Variants in GNPTAB observed in about 807,000 individuals in gnomAD.
The protein encoded by GNPTAB is N-acetylglucosamine-1-phosphate transferase subunits alpha and beta.
In GNPTAB, 92 loss-of-function variants were observed where a neutral mutation model predicts 136.6. That is an observed-to-expected ratio of 0.67 (90% CI 0.57 to 0.80). The LOEUF is 0.80. Ranked by LOEUF, GNPTAB falls within the 30% of genes least tolerant of loss-of-function variation. The pLI, the probability that GNPTAB is intolerant of heterozygous loss-of-function variation, is 0.00. For missense variants in GNPTAB, 1,343 were observed against 1,501.8 expected, an observed-to-expected ratio of 0.89 and a Z score of 1.75; for synonymous variants, 512 against 535.1, an observed-to-expected ratio of 0.96 and a Z score of 0.60.
At position 101,785,996 on chromosome 12, in the gene GNPTAB, C is replaced by T; in HGVS notation, c.571+16G>A. 1 of 1,542,038 alleles carries T rather than the reference C, an allele frequency of 6.5e-7. No individual in the cohort carries two copies. The highest frequency in any genetic ancestry group is 9.0e-7 in the Non-Finnish European group (1 of 1,115,076). Reference sequence around the variant, plus strand: ...AATGATAACATGATTTTAAAATATCCATAAAAAGATCTTACCATCCTTAGT... The same window carrying T: ...AATGATAACATGATTTTAAAATATCTATAAAAAGATCTTACCATCCTTAGT... On this transcript the variant is annotated intron_variant, in intron 5 of 20. Coordinates refer to ENST00000299314, the MANE Select transcript of GNPTAB (RefSeq NM_024312.5).
chr12:101,786,659 C>T (rs930780336), intron 4 of GNPTAB, among the ~76,000 whole-genome samples: 48 of 152,174 alleles, frequency 3.2e-4, no homozygotes, highest in African/African-American at 1.1e-3. Flanking sequence ...TGACACTACA[C>T]TGATGTAAAC....
At chr12:101,818,419 C>T (rs540304213) in intron 1 of GNPTAB, among the ~76,000 whole-genome samples, 1 of 150,944 alleles carries the variant, frequency 6.6e-6, no homozygotes, top group Non-Finnish European at 1.5e-5. Context: ...ACTCTGTTGC[C>T]CAGGCTGGAG....
At position 101,749,171 on chromosome 12, in the gene GNPTAB, AATTTGT is replaced by A. The variant is rs2137097807; in HGVS notation, c.3617_3622del (p.Asp1206_Leu1208delinsVal). 6.2e-7 allele frequency: 1 copy of A among 1,610,930 alleles called. No homozygotes were observed. Among genetic ancestry groups the A allele is most frequent in the Non-Finnish European group, 8.5e-7 (1 of 1,177,176 alleles). On this transcript the variant is annotated inframe_deletion, in exon 20 of 21. Coordinates refer to ENST00000299314, the MANE Select transcript of GNPTAB (RefSeq NM_024312.5). ...TAGTACACAATGGGTCCAAAACTTC[AATTTGT>A]CTCGATAAGCCCTCCTGTGCAGAGA...
chr12:101,780,553 A>G lies in GNPTAB; in HGVS notation c.636+4T>C, dbSNP rs1306693913. On this transcript the variant is annotated splice_donor_region_variant and intron_variant, in intron 6 of 20. Transcript: ENST00000299314. ...AAAATGCAATTAAATTTAAAATAAC[A>G]TACCAAGTAGCCCCTCCATACTGTC... 1.3e-6 allele frequency: 2 copies of G among 1,596,650 alleles called. No individual in the cohort carries two copies. Among genetic ancestry groups the G allele is most frequent in the Admixed American group, 1.7e-5 (1 of 59,982 alleles).
intron 19 of GNPTAB, among the ~76,000 whole-genome samples, chr12:101,752,723 A>C (rs1437806522): frequency 1.3e-5 from 2 of 152,140 alleles, no homozygotes; most frequent in Non-Finnish European, 2.9e-5. Flanking sequence ...AAAGTCTTTC[A>C]CTATCAGCTC....
chr12:101,815,773 G>C (rs964059336), intron 1 of GNPTAB, among the ~76,000 whole-genome samples: 10 of 152,162 alleles, frequency 6.6e-5, no homozygotes, highest in African/African-American at 2.4e-4. Context: ...TAAGCTTGAG[G>C]CATCACACTA....
intron 7 of GNPTAB, 146 bp downstream of exon 7, chr12:101,780,006 G>T: frequency 1.2e-6 from 1 of 813,796 alleles, no homozygotes; most frequent in Non-Finnish European, 2.1e-6. Flanking sequence ...AAAGTAAGGA[G>T]TGAGGCTCTT....
At chr12:101,814,481 G>A (rs1274959394) in intron 1 of GNPTAB, among the ~76,000 whole-genome samples, 1 of 151,998 alleles carries the variant, frequency 6.6e-6, no homozygotes, top group Non-Finnish European at 1.5e-5. Context: ...CAGATCACTT[G>A]AGGTCAGAGG....
At chr12:101,803,152 G>C (rs1381862551) in intron 1 of GNPTAB, among the ~76,000 whole-genome samples, 2 of 152,106 alleles carry the variant, frequency 1.3e-5, no homozygotes, top group Non-Finnish European at 2.9e-5. Context: ...AGCTGCCTCA[G>C]AATCAAGGTC....
At chr12:101,805,634 G>T (rs1027751821) in intron 1 of GNPTAB, among the ~76,000 whole-genome samples, 1 of 152,168 alleles carries the variant, frequency 6.6e-6, no homozygotes, top group Non-Finnish European at 1.5e-5. Context: ...GGGCTCATGC[G>T]ATCTGCCTGC....
At chr12:101,802,361 T>C (rs1378765054) in intron 1 of GNPTAB, among the ~76,000 whole-genome samples, 1 of 152,026 alleles carries the variant, frequency 6.6e-6, no homozygotes, top group Non-Finnish European at 1.5e-5. Context: ...CTTCCAGAGG[T>C]TACTGGGGAC....
At chr12:101,760,007 T>A in intron 16 of GNPTAB, 23 bp downstream of exon 16, 1 of 1,338,538 alleles carries the variant, frequency 7.5e-7, no homozygotes, top group Non-Finnish European at 1.1e-6. Flanking sequence ...CTGTTGTACA[T>A]AAAAGTAACC....
At chr12:101,773,783 ACAT>A (rs922825017) in intron 7 of GNPTAB, 6 of 152,226 alleles carry the variant, frequency 3.9e-5, no homozygotes, top group Admixed American at 2.6e-4. Flanking sequence ...CCAATCCTGG[ACAT>A]CATCATTACT....
In GNPTAB at chr12:101,747,155, G is replaced by C; in HGVS notation, c.*9C>G. ...ATGCTGAGGTAGATGGTTTTCAAAT[G>C]AAGATCTTCTATACTCTGATTCGAT... On this transcript the variant is annotated 3_prime_UTR_variant, in exon 21 of 21. Coordinates refer to ENST00000299314, the MANE Select transcript of GNPTAB (RefSeq NM_024312.5). 1 of 1,482,388 alleles carries C rather than the reference G, an allele frequency of 6.7e-7. No homozygotes were observed. The highest frequency in any genetic ancestry group is 9.4e-7 in the Non-Finnish European group (1 of 1,060,072). 91.8% of individuals were successfully genotyped at this position (1,482,388 alleles called of 1,614,324 possible).
chr12:101,809,578 G>GA (rs1870111903), intron 1 of GNPTAB, among the ~76,000 whole-genome samples: 4 of 152,140 alleles, frequency 2.6e-5, no homozygotes, highest in Admixed American at 2.6e-4. Flanking sequence ...GTGCTACAAA[G>GA]AAAAGAGCCA....
At chr12:101,774,478 T>C (rs1434138315) in intron 7 of GNPTAB, among the ~76,000 whole-genome samples, 1 of 152,224 alleles carries the variant, frequency 6.6e-6, no homozygotes, top group Non-Finnish European at 1.5e-5. Context: ...TATGTAAGTA[T>C]ATATTGGAAG....
In GNPTAB at chr12:101,768,028, C is replaced by A. The variant is rs1450013091; in HGVS notation, c.1408+9G>T. 2.5e-6 allele frequency: 4 copies of A among 1,613,776 alleles called. No homozygotes were observed. The African/African-American group carries it at 5.3e-5, about 22-fold the overall frequency. On this transcript the variant is annotated intron_variant, in intron 11 of 20. Transcript: ENST00000299314. Reference sequence around the variant, plus strand: ...AAAATGAACGAATTACAGTTTAACACATCCTTACCAGAGCAATCCCCACCA... The same window carrying A: ...AAAATGAACGAATTACAGTTTAACAAATCCTTACCAGAGCAATCCCCACCA...
chr12:101,783,623 G>GT (rs1868466670), intron 5 of GNPTAB, among the ~76,000 whole-genome samples: 1 of 152,188 alleles, frequency 6.6e-6, no homozygotes, highest in Admixed American at 6.5e-5. Flanking sequence ...GTTCGAATAT[G>GT]TGAGTGCTGA....
chr12:101,814,075 T>C (rs1322071756), intron 1 of GNPTAB, among the ~76,000 whole-genome samples: 15 of 126,100 alleles, frequency 1.2e-4, no homozygotes, highest in African/African-American at 5.1e-4. Context: ...CGAGACTCCA[T>C]CTCAAAAAAA....
Sources: allele counts gnomAD v4.1 joint callset (sites outside exome capture counted in the v4.1 genomes callset), GRCh38; gene constraint gnomAD v4.1.1; transcripts MANE v1.5; gene names NCBI Gene and HGNC (gene_info 2026-07-23, HGNC 2026-07-21).